MED27: variants seen among roughly 807,000 people sequenced by gnomAD.
The protein encoded by MED27 is mediator complex subunit 27.
MED27 carries 30 observed loss-of-function variants against 38.2 expected under a neutral mutation model. That is an observed-to-expected ratio of 0.79 (90% CI 0.59 to 1.07). MED27 has a LOEUF of 1.07. Among genes scored for constraint, MED27 ranks in the 50% least tolerant of loss-of-function variants. The pLI is 0.00. For synonymous variants in MED27, 122 were observed against 153.5 expected (o/e 0.79, Z 1.52); for missense variants, 289 against 397.5 (o/e 0.73, Z 2.32).
At chr9:131,933,954 G>C (rs1830636344) in intron 4 of MED27, among the ~76,000 whole-genome samples, 1 of 152,104 alleles carries the variant, frequency 6.6e-6, no homozygotes, top group Non-Finnish European at 1.5e-5. Context: ...AGACACTAGA[G>C]AGCCCAGAAA....
chr9:131,971,903 G>A (rs534584294), intron 3 of MED27, among the ~76,000 whole-genome samples: 40 of 152,256 alleles, frequency 2.6e-4, no homozygotes, highest in Non-Finnish European at 4.9e-4. Flanking sequence ...CATTTCAGAA[G>A]TCTGACTTAC....
intron 4 of MED27, among the ~76,000 whole-genome samples, chr9:131,898,486 G>A (rs1389179340): frequency 1.3e-5 from 2 of 152,130 alleles, no homozygotes; most frequent in Non-Finnish European, 2.9e-5. Flanking sequence ...AAAGTGCTGG[G>A]ATTACAGGCG....
Position 131,971,625 on chromosome 9 carries a change from G to A in MED27, c.480-32151C>T, listed in dbSNP as rs367732556. Among the ~76,000 whole-genome samples, 35 of 152,292 alleles carry A rather than the reference G, an allele frequency of 2.3e-4. 1 individual carries two copies. The East Asian group carries it at 5.0e-3, about 22-fold the overall frequency. On this transcript the variant is annotated intron_variant, in intron 3 of 7. Coordinates refer to ENST00000292035, the MANE Select transcript of MED27 (RefSeq NM_004269.4). Reference sequence around the variant, plus strand: ...CCCAAGTGCCAAAAGAGGGTGGCCCGGACCTGGGCCCCGTTAGTGGTGACG... The same window carrying A: ...CCCAAGTGCCAAAAGAGGGTGGCCCAGACCTGGGCCCCGTTAGTGGTGACG...
At chr9:131,952,184 C>A (rs1229612594) in intron 3 of MED27, among the ~76,000 whole-genome samples, 1 of 152,214 alleles carries the variant, frequency 6.6e-6, no homozygotes, top group African/African-American at 2.4e-5. Flanking sequence ...TAGGCACTGG[C>A]CGGAGACTCA....
chr9:132,043,038 C>T (rs1833253680), intron 2 of MED27, among the ~76,000 whole-genome samples: 3 of 152,038 alleles, frequency 2.0e-5, no homozygotes, highest in Admixed American at 2.0e-4. Flanking sequence ...ATGTAAAACT[C>T]TCAGTAATAA....
intron 3 of MED27, among the ~76,000 whole-genome samples, chr9:131,996,142 C>T (rs575586040): frequency 6.6e-6 from 1 of 152,150 alleles, no homozygotes; most frequent in Non-Finnish European, 1.5e-5. Context: ...GACCAGTAGT[C>T]AAAAAGAAGA....
chr9:131,947,505 C>G (rs1037177759), intron 3 of MED27, among the ~76,000 whole-genome samples: 2 of 152,306 alleles, frequency 1.3e-5, no homozygotes, highest in East Asian at 3.9e-4. Flanking sequence ...GATTACAATA[C>G]TAAAATGATC....
intron 5 of MED27, among the ~76,000 whole-genome samples, chr9:131,891,747 C>A (rs1469505683): frequency 1.3e-5 from 2 of 152,084 alleles, no homozygotes; most frequent in Non-Finnish European, 2.9e-5. Flanking sequence ...GCTCTGGAAG[C>A]CAAGTGAAGG....
chr9:131,992,672 G>C (rs1832002696), intron 3 of MED27, among the ~76,000 whole-genome samples: 1 of 152,110 alleles, frequency 6.6e-6, no homozygotes, highest in South Asian at 2.1e-4. Flanking sequence ...AAAGAGCTGG[G>C]TTACAGGTAT....
chr9:131,947,879 G>A (rs1471196061), intron 3 of MED27, among the ~76,000 whole-genome samples: 1 of 152,212 alleles, frequency 6.6e-6, no homozygotes, highest in African/African-American at 2.4e-5. Flanking sequence ...TTGGGGAAAA[G>A]GGTAATGCCC....
intron 4 of MED27, among the ~76,000 whole-genome samples, chr9:131,931,921 A>G (rs1194913878): frequency 2.0e-5 from 3 of 152,228 alleles, no homozygotes. Flanking sequence ...CCCCAATTTC[A>G]GCATCGGACA....
chr9:131,860,792 C>T lies in MED27; in HGVS notation c.802-120G>A, dbSNP rs574054340. 8.6e-7 allele frequency: 1 copy of T among 1,156,224 alleles called. No individual in the cohort carries two copies. Among genetic ancestry groups the T allele is most frequent in the Non-Finnish European group, 1.2e-6 (1 of 815,172 alleles). 71.6% of individuals were successfully genotyped at this position (1,156,224 alleles called of 1,614,324 possible). The stretch of plus-strand genomic sequence containing the variant: ...GTTGGCTTTGGCCCCAGAAGATGCC[C>T]TGTGATTTCACAGGGAGCAGCAGGC... On this transcript the variant is annotated intron_variant, in intron 7 of 7. Coordinates refer to ENST00000292035, the MANE Select transcript of MED27 (RefSeq NM_004269.4). This position sits in a 1 kb window ranked among gnomAD's most constrained non-coding sequence, Gnocchi z 5.8.
intron 5 of MED27, among the ~76,000 whole-genome samples, chr9:131,890,944 A>G (rs1839219225): frequency 6.6e-6 from 1 of 152,238 alleles, no homozygotes; most frequent in Non-Finnish European, 1.5e-5. Context: ...TAATTGCAAG[A>G]TGGACATGTA....
rs568469469 is a variant in MED27, at chr9:131,872,034, T to C, written c.724-8894A>G. ...CATCATCTGGCCCCAGGGGGCATGCTCCTGGGCCGGAGTGGAGGCTGGCGA... is the reference window on the plus strand; with the variant it reads ...CATCATCTGGCCCCAGGGGGCATGCCCCTGGGCCGGAGTGGAGGCTGGCGA... On this transcript the variant is annotated intron_variant, in intron 6 of 7. Coordinates refer to ENST00000292035, the MANE Select transcript of MED27 (RefSeq NM_004269.4). This position sits in a 1 kb window ranked among gnomAD's most constrained non-coding sequence, Gnocchi z 5.6. 3.3e-5 allele frequency among the ~76,000 whole-genome samples: 5 copies of C among 152,310 alleles called. No individual in the cohort carries two copies. In the Middle Eastern group the frequency reaches 0.017, roughly 518 times the overall value.
rs1589256585 is a variant in MED27, at chr9:131,997,292, G to C, written c.479+17045C>G. On this transcript the variant is annotated intron_variant, in intron 3 of 7. Transcript: ENST00000292035. This position sits in a 1 kb window ranked among gnomAD's most constrained non-coding sequence, Gnocchi z 4.0. ...GATGCAATGGCAGATCCTCTTCCAGGAAGAACCTGCTGTCTGGCTACAGGA... is the reference window on the plus strand; with the variant it reads ...GATGCAATGGCAGATCCTCTTCCAGCAAGAACCTGCTGTCTGGCTACAGGA... Among the ~76,000 whole-genome samples, 1 of 152,138 alleles carries C rather than the reference G, an allele frequency of 6.6e-6. No individual in the cohort carries two copies.
chr9:131,988,441 C>T (rs1831901284), intron 3 of MED27, among the ~76,000 whole-genome samples: 2 of 152,344 alleles, frequency 1.3e-5, no homozygotes, highest in East Asian at 1.9e-4. Flanking sequence ...AAGACCAACC[C>T]CTCCTTGCTC....
chr9:131,911,792 G>C (rs1173710081), intron 4 of MED27, among the ~76,000 whole-genome samples: 2 of 152,192 alleles, frequency 1.3e-5, no homozygotes. Flanking sequence ...GCTAGCAGGT[G>C]CTGTGCATGG....
intron 3 of MED27, among the ~76,000 whole-genome samples, chr9:131,986,536 G>A (rs1161191976): frequency 1.3e-5 from 2 of 152,008 alleles, no homozygotes; most frequent in African/African-American, 4.8e-5. Flanking sequence ...CTATGCTTAG[G>A]TATGTTTAGA....
At chr9:131,963,810 T>C (rs1444182535) in intron 3 of MED27, among the ~76,000 whole-genome samples, 1 of 152,220 alleles carries the variant, frequency 6.6e-6, no homozygotes, top group Non-Finnish European at 1.5e-5. Context: ...TGTTAGTATG[T>C]GCGCTGCATG....
Sources: allele counts gnomAD v4.1 joint callset (sites outside exome capture counted in the v4.1 genomes callset), GRCh38; gene constraint gnomAD v4.1.1; non-coding constraint Gnocchi (gnomAD v3.1); transcripts MANE v1.5; gene names NCBI Gene and HGNC (gene_info 2026-07-23, HGNC 2026-07-21).